GPHN: variants seen among roughly 807,000 people sequenced by gnomAD.
The protein encoded by GPHN is gephyrin.
GPHN carries 17 observed loss-of-function variants against 95.5 expected under a neutral mutation model. The observed-to-expected ratio is 0.18, with a 90% CI of 0.12 to 0.27. The LOEUF is 0.27. Among genes scored for constraint, GPHN ranks in the 10% least tolerant of loss-of-function variants. GPHN has a pLI of 1.00. For missense variants in GPHN, 660 were observed against 978.1 expected, an observed-to-expected ratio of 0.67 and a Z score of 4.34; for synonymous variants, 320 against 322.5, an observed-to-expected ratio of 0.99 and a Z score of 0.08.
the GPHN span, among the ~76,000 whole-genome samples, chr14:67,669,363 A>T: frequency 2.2e-3 from 331 of 150,978 alleles, 1 homozygote; most frequent in African/African-American, 7.6e-3. Flanking sequence ...TCAAACTGCT[A>T]GACTCAAGTG....
chr14:67,133,594 G>A (rs1371306409), intron 17 of GPHN, among the ~76,000 whole-genome samples: 1 of 152,062 alleles, frequency 6.6e-6, no homozygotes, highest in Non-Finnish European at 1.5e-5. Flanking sequence ...TTTTTAAGTT[G>A]CTTTGGAATT....
At chr14:66,550,586 G>C (rs1205902996) in intron 1 of GPHN, among the ~76,000 whole-genome samples, 2 of 152,230 alleles carry the variant, frequency 1.3e-5, no homozygotes, top group Non-Finnish European at 2.9e-5. Flanking sequence ...CAGCAATTTT[G>C]AAAGAAGTTC....
At chr14:67,388,258 G>C in the GPHN span, 1 of 1,613,460 alleles carries the variant, frequency 6.2e-7, no homozygotes, top group Non-Finnish European at 8.5e-7. Context: ...GAGCAGACAC[G>C]AGTGAACCAC....
intron 9 of GPHN, among the ~76,000 whole-genome samples, chr14:66,979,260 C>A (rs2070485073): frequency 6.6e-6 from 1 of 152,228 alleles, no homozygotes; most frequent in Non-Finnish European, 1.5e-5. Flanking sequence ...TTAACTTCAC[C>A]TCTCTAGCAA....
At chr14:67,467,279 G>A in the GPHN span, 1 of 152,200 alleles carries the variant, frequency 6.6e-6, no homozygotes, top group Non-Finnish European at 1.5e-5. Flanking sequence ...TCAGTTCTCA[G>A]TCCTATCTGG....
the GPHN span, among the ~76,000 whole-genome samples, chr14:67,506,799 CG>C: frequency 6.6e-6 from 1 of 152,162 alleles, no homozygotes; most frequent in Non-Finnish European, 1.5e-5. Context: ...TCCTGGCCAA[CG>C]TGGTGAAACT....
At chr14:66,644,102 A>T (rs2064599148) in intron 1 of GPHN, among the ~76,000 whole-genome samples, 1 of 152,022 alleles carries the variant, frequency 6.6e-6, no homozygotes, top group Non-Finnish European at 1.5e-5. Context: ...GTTTACTTCT[A>T]AAGCTACCTG....
chr14:67,693,652 T>C, the GPHN span, among the ~76,000 whole-genome samples: 1 of 123,928 alleles, frequency 8.1e-6, no homozygotes, highest in Non-Finnish European at 1.6e-5. Context: ...TCTCTTTCTC[T>C]TTTTTTTTTT....
At chr14:67,662,461 T>C in the GPHN span, 1 of 1,611,232 alleles carries the variant, frequency 6.2e-7, no homozygotes, top group East Asian at 2.2e-5. Flanking sequence ...AAACAAAATT[T>C]GTTCCTTGTT....
At chr14:67,034,218 C>T (rs1038403649) in intron 10 of GPHN, among the ~76,000 whole-genome samples, 32 of 152,010 alleles carry the variant, frequency 2.1e-4, no homozygotes, top group African/African-American at 6.5e-4. Flanking sequence ...TCACATGTAA[C>T]ACTGTGGGGA....
chr14:67,352,849 AC>A, the GPHN span: 107 of 843,108 alleles, frequency 1.3e-4, 1 homozygote, highest in African/African-American at 1.8e-3. Context: ...AATAACAACA[AC>A]AAAAAAAAAA....
chr14:66,999,680 G>A (rs945843340), intron 9 of GPHN, among the ~76,000 whole-genome samples: 1 of 151,514 alleles, frequency 6.6e-6, no homozygotes, highest in Non-Finnish European at 1.5e-5. Flanking sequence ...CATCTTTCAC[G>A]TTTCTAACTG....
At chr14:66,610,169 C>A (rs1336469887) in intron 1 of GPHN, among the ~76,000 whole-genome samples, 1 of 152,066 alleles carries the variant, frequency 6.6e-6, no homozygotes, top group African/African-American at 2.4e-5. Flanking sequence ...AGATTCTTTC[C>A]CTGGGTTTCA....
At chr14:67,271,939 T>C in the GPHN span, 2 of 151,948 alleles carry the variant, frequency 1.3e-5, no homozygotes, top group Non-Finnish European at 2.9e-5. Flanking sequence ...GGTATGGTGA[T>C]TGGCGCCTGT....
the GPHN span, among the ~76,000 whole-genome samples, chr14:67,516,979 G>A: frequency 4.6e-5 from 7 of 152,168 alleles, no homozygotes; most frequent in Non-Finnish European, 1.0e-4. Context: ...AATGACCCAA[G>A]GACATCATGC....
At chr14:67,010,422 G>T (rs1420125796) in intron 9 of GPHN, among the ~76,000 whole-genome samples, 1 of 151,460 alleles carries the variant, frequency 6.6e-6, no homozygotes. Flanking sequence ...TGTGGTGGCG[G>T]GCACCTGCAG....
intron 18 of GPHN, among the ~76,000 whole-genome samples, chr14:67,152,963 CAA>C (rs58963986): frequency 1.4e-5 from 2 of 139,744 alleles, no homozygotes; most frequent in Admixed American, 7.1e-5. Context: ...GACTCCGTGT[CAA>C]AAAAAAAAAA....
intron 2 of GPHN, among the ~76,000 whole-genome samples, chr14:66,716,729 C>T (rs1483400978): frequency 6.6e-6 from 1 of 152,120 alleles, no homozygotes; most frequent in Non-Finnish European, 1.5e-5. Flanking sequence ...GACGAATTTT[C>T]TCGGCAGTTG....
At chr14:67,549,112 A>ATG in the GPHN span, among the ~76,000 whole-genome samples, 2 of 152,162 alleles carry the variant, frequency 1.3e-5, no homozygotes, top group Non-Finnish European at 2.9e-5. Flanking sequence ...GAATACAAGG[A>ATG]TGAGTTGGAA....
Sources: gnomAD v4.1 joint callset for allele counts (sites outside exome capture counted in the v4.1 genomes callset) on GRCh38, gnomAD v4.1.1 for gene constraint, MANE v1.5 for transcripts, NCBI Gene and HGNC (gene_info 2026-07-23, HGNC 2026-07-21) for gene names.